The following FAM107B variants were observed in gnomAD, a reference collection of about 807,000 sequenced individuals.
The protein encoded by FAM107B is protein FAM107B.
Under a neutral mutation model 31.5 loss-of-function variants are expected in FAM107B, and 21 were observed. The observed-to-expected ratio is 0.67, with a 90% confidence interval of 0.47 to 0.96. The LOEUF is 0.96. Among genes scored for constraint, FAM107B ranks in the 40% least tolerant of loss-of-function variants. The pLI, the probability that FAM107B is intolerant of heterozygous loss-of-function variation, is 0.00. For synonymous variants in FAM107B, 157 were observed against 141.5 expected (o/e 1.11, Z -0.78); for missense variants, 452 against 377.1 (o/e 1.20, Z -1.64).
In FAM107B at chr10:14,657,223, G is replaced by A. The variant is rs574104765; in HGVS notation, c.469+10411C>T. Among the ~76,000 whole-genome samples the A allele has an allele frequency of 3.9e-5, 6 of 152,306 alleles. No individual in the cohort carries two copies. In the South Asian group the frequency reaches 1.2e-3, roughly 32 times the overall value. On this transcript the variant is annotated intron_variant, in intron 2 of 4. Coordinates refer to ENST00000181796, the MANE Select transcript of FAM107B (RefSeq NM_031453.4). ...AATTTGCTCTCTGCCCATGTAGAGA[G>A]GGGAAAGCACAGACTGCTCTCCAAT... is the stretch of plus-strand genomic sequence containing the variant.
At chr10:14,556,141 G>A (rs1849680436) in intron 2 of FAM107B, 1 of 159,012 alleles carries the variant, frequency 6.3e-6, no homozygotes, top group Non-Finnish European at 1.3e-5. Flanking sequence ...AGCAGAGAGA[G>A]AAGACAGACC....
At chr10:14,550,018 G>T (rs1346603560) in intron 2 of FAM107B, among the ~76,000 whole-genome samples, 1 of 152,166 alleles carries the variant, frequency 6.6e-6, no homozygotes, top group Admixed American at 6.5e-5. Context: ...TGGAAAGGAG[G>T]CTGTTTTAGA....
chr10:14,591,580 ATAAT>A lies in FAM107B; in HGVS notation c.470-61069_470-61066del, dbSNP rs1277162179. 2.6e-5 allele frequency among the ~76,000 whole-genome samples: 4 copies of A among 152,238 alleles called. No individual in the cohort carries two copies. The East Asian group carries it at 7.7e-4, about 29-fold the overall frequency. Reference sequence around the variant, plus strand: ...AGAAGAATCAACAATCTCTAATGAAATAATTAATTCAAACAACAGTCATCGATGA... The same window carrying A: ...AGAAGAATCAACAATCTCTAATGAAATAATTCAAACAACAGTCATCGATGA... On this transcript the variant is annotated intron_variant, in intron 2 of 4. Coordinates refer to ENST00000181796, the MANE Select transcript of FAM107B (RefSeq NM_031453.4).
chr10:14,766,303 G>A (rs1588766485), intron 1 of FAM107B, among the ~76,000 whole-genome samples: 1 of 152,196 alleles, frequency 6.6e-6, no homozygotes, highest in Non-Finnish European at 1.5e-5. Context: ...TGGGCATGGA[G>A]CCTAGACAAG....
chr10:14,567,795 T>G (rs1041453854), intron 2 of FAM107B, among the ~76,000 whole-genome samples: 2 of 152,172 alleles, frequency 1.3e-5, no homozygotes, highest in Admixed American at 1.3e-4. Context: ...TTCTGGTGAG[T>G]AGGATCTCTG....
At chr10:14,570,691 A>T (rs1168776845) in intron 2 of FAM107B, among the ~76,000 whole-genome samples, 1 of 152,098 alleles carries the variant, frequency 6.6e-6, no homozygotes, top group Admixed American at 6.5e-5. Context: ...AATCCCAGCT[A>T]CTTGGGAGGC....
chr10:14,565,205 T>C (rs1216222612), intron 2 of FAM107B, among the ~76,000 whole-genome samples: 1 of 152,218 alleles, frequency 6.6e-6, no homozygotes, highest in Non-Finnish European at 1.5e-5. Context: ...CGTGGACTTA[T>C]TTATCATAGC....
chr10:14,623,712 G>C (rs1425959882), intron 2 of FAM107B, among the ~76,000 whole-genome samples: 1 of 152,180 alleles, frequency 6.6e-6, no homozygotes, highest in Non-Finnish European at 1.5e-5. Context: ...TGTAATCCCA[G>C]CTACTCAGGA....
intron 1 of FAM107B, among the ~76,000 whole-genome samples, chr10:14,690,424 C>T (rs1564626940): frequency 6.6e-6 from 1 of 152,166 alleles, no homozygotes; most frequent in East Asian, 1.9e-4. Context: ...ACATCTCACC[C>T]ATACTTTCAC....
rs528834273 is a variant in FAM107B at position 14,525,008 on chromosome 10, T to A, written c.654-2989A>T. The stretch of plus-strand genomic sequence containing the variant: ...AAAATTCAGGAAAATGGTGCTTATA[T>A]GATAAATATTCTCTACTTACAGCAG... On this transcript the variant is annotated intron_variant, in intron 3 of 4. Transcript: ENST00000181796. Among the ~76,000 whole-genome samples the A allele has an allele frequency of 5.3e-5, 8 of 152,360 alleles. No individual in the cohort carries two copies. In the East Asian group the frequency reaches 9.6e-4, roughly 18 times the overall value.
intron 1 of FAM107B, among the ~76,000 whole-genome samples, chr10:14,730,145 T>G (rs966186649): frequency 4.6e-5 from 7 of 152,160 alleles, no homozygotes; most frequent in Non-Finnish European, 1.0e-4. Flanking sequence ...CTGTGGCACA[T>G]GTATACCTAT....
chr10:14,555,669 A>G (rs11259182), intron 2 of FAM107B, among the ~76,000 whole-genome samples: 73,322 of 151,982 alleles, frequency 0.48, 17,944 homozygotes, highest in South Asian at 0.63. Flanking sequence ...CATCTGCTGC[A>G]GAACCATTTT....
chr10:14,767,095 GAGAGAC>G (rs1179153610), intron 1 of FAM107B, among the ~76,000 whole-genome samples: 16 of 113,498 alleles, frequency 1.4e-4, no homozygotes, highest in African/African-American at 6.0e-4. Context: ...GAGAGAGAGA[GAGAGAC>G]AGAGAGAGAG....
At chr10:14,774,204 C>T in intron 1 of FAM107B, 49 bp downstream of exon 1, 1 of 1,552,822 alleles carries the variant, frequency 6.4e-7, no homozygotes, top group Non-Finnish European at 8.7e-7. Flanking sequence ...GATCCCAACG[C>T]TCCTCCAGCT....
intron 1 of FAM107B, among the ~76,000 whole-genome samples, chr10:14,695,817 G>A (rs1330474614): frequency 2.6e-5 from 4 of 152,126 alleles, no homozygotes; most frequent in Non-Finnish European, 4.4e-5. Context: ...GTTTTTGTGT[G>A]TTGATTTTGT....
intron 2 of FAM107B, among the ~76,000 whole-genome samples, chr10:14,633,587 A>G (rs1853421940): frequency 6.6e-6 from 1 of 152,244 alleles, no homozygotes; most frequent in Non-Finnish European, 1.5e-5. Flanking sequence ...ATAATATACC[A>G]GCTAATCTGT....
intron 1 of FAM107B, among the ~76,000 whole-genome samples, chr10:14,764,605 A>G (rs1363559516): frequency 6.6e-6 from 1 of 152,332 alleles, no homozygotes; most frequent in East Asian, 1.9e-4. Flanking sequence ...TTGAGGAGCC[A>G]TATTTTCTTT....
At chr10:14,734,489 T>TGTTTTTG (rs59484378) in intron 1 of FAM107B, among the ~76,000 whole-genome samples, 7 of 112,088 alleles carry the variant, frequency 6.2e-5, no homozygotes, top group East Asian at 5.6e-4. Flanking sequence ...TTTTGTGAGG[T>TGTTTTTG]TTTTTTTTTT....
intron 4 of FAM107B, 50 bp from the exon 5 acceptor site, chr10:14,521,356 T>C (rs1274209177): frequency 1.4e-6 from 2 of 1,433,310 alleles, no homozygotes; most frequent in East Asian, 4.6e-5. Flanking sequence ...AAGCAGCCTT[T>C]CAAAATACTC....
Sources: gnomAD v4.1 joint callset for allele counts (sites outside exome capture counted in the v4.1 genomes callset) on GRCh38, gnomAD v4.1.1 for gene constraint, MANE v1.5 for transcripts, NCBI Gene and HGNC (gene_info 2026-07-23, HGNC 2026-07-21) for gene names.